The following SDK1 variants were observed in gnomAD, a reference collection of about 807,000 sequenced individuals.
The protein encoded by SDK1 is sidekick cell adhesion molecule 1.
A neutral mutation model predicts 245.5 loss-of-function variants in SDK1; 157 were observed. That is an observed-to-expected ratio of 0.64 (90% CI 0.56 to 0.73). SDK1 has a LOEUF of 0.73. SDK1 is among the 30% of genes least tolerant of loss of function. The probability of loss-of-function intolerance (pLI) is 0.00; values close to 1 mark genes in which losing one functional copy is unlikely to be tolerated. For missense variants in SDK1, 3,583 were observed against 3,002.3 expected, an observed-to-expected ratio of 1.19 and a Z score of -4.52; for synonymous variants, 1,647 against 1,278.5, an observed-to-expected ratio of 1.29 and a Z score of -6.15.
rs141632037 is a variant in SDK1, at chr7:3,892,779, G to A, written c.848-58144G>A. ...GCTATGCAGCCAGCTCAGTGCAGCC[G>A]AAAGAACCTGGGAGGCAGTCCGGAA... On this transcript the variant is annotated intron_variant, in intron 5 of 44. Transcript: ENST00000404826. 1.0e-3 allele frequency among the ~76,000 whole-genome samples: 158 copies of A among 152,282 alleles called. 2 individuals are homozygous for A. The East Asian group carries it at 0.026, about 25-fold the overall frequency.
At chr7:3,886,439 T>G (rs1312246424) in intron 5 of SDK1, among the ~76,000 whole-genome samples, 1 of 152,258 alleles carries the variant, frequency 6.6e-6, no homozygotes, top group Non-Finnish European at 1.5e-5. Context: ...ATAATGAAGC[T>G]GAGTCTTAGA....
intron 4 of SDK1, among the ~76,000 whole-genome samples, chr7:3,756,610 CT>C (rs1344656882): frequency 6.6e-6 from 1 of 151,630 alleles, no homozygotes; most frequent in Non-Finnish European, 1.5e-5. Flanking sequence ...CAATTTGCTC[CT>C]AATGCCCTTT....
At chr7:3,914,010 T>C (rs1283823772) in intron 5 of SDK1, among the ~76,000 whole-genome samples, 1 of 152,228 alleles carries the variant, frequency 6.6e-6, no homozygotes, top group Non-Finnish European at 1.5e-5. Context: ...TGAAAGCTTC[T>C]TGCCCTATTA....
At chr7:3,683,826 A>G (rs1784190652) in intron 4 of SDK1, among the ~76,000 whole-genome samples, 1 of 152,186 alleles carries the variant, frequency 6.6e-6, no homozygotes, top group African/African-American at 2.4e-5. Flanking sequence ...GGAACTAGCA[A>G]TGGACACAGA....
intron 44 of SDK1, among the ~76,000 whole-genome samples, chr7:4,246,677 G>A (rs1407485486): frequency 1.3e-5 from 2 of 152,140 alleles, no homozygotes; most frequent in Non-Finnish European, 2.9e-5. Context: ...TCCAGGTCAT[G>A]TATCGGGCTC....
chr7:4,209,611 C>T (rs572372133), intron 37 of SDK1, among the ~76,000 whole-genome samples: 5 of 152,270 alleles, frequency 3.3e-5, no homozygotes, highest in East Asian at 1.9e-4. Flanking sequence ...GAGGGAGAGG[C>T]GAGGAGGGGT....
intron 5 of SDK1, among the ~76,000 whole-genome samples, chr7:3,898,015 A>G (rs1010899948): frequency 7.2e-5 from 11 of 151,960 alleles, no homozygotes; most frequent in Admixed American, 7.2e-4. Flanking sequence ...TGACCCAGGA[A>G]GCCGCCGTGT....
intron 1 of SDK1, among the ~76,000 whole-genome samples, chr7:3,611,950 A>T (rs1203687292): frequency 2.0e-5 from 3 of 152,174 alleles, no homozygotes; most frequent in Non-Finnish European, 4.4e-5. Flanking sequence ...ATTCACAGCT[A>T]CCTGGCTGGA....
At chr7:3,424,898 A>G (rs1292937779) in intron 1 of SDK1, among the ~76,000 whole-genome samples, 1 of 152,170 alleles carries the variant, frequency 6.6e-6, no homozygotes, top group Non-Finnish European at 1.5e-5. Flanking sequence ...CCCTGTCTCA[A>G]AAAACAAATA....
rs187491083 is a variant in SDK1 at position 3,419,166 on chromosome 7, T to C, written c.298+117282T>C. On this transcript the variant is annotated intron_variant, in intron 1 of 44. Transcript: ENST00000404826. ...TCAGACTGTATTAACCTATTTAATC[T>C]TTGCAGCAAATCCTGTAAGGAATCA... Among the ~76,000 whole-genome samples, 626 of 152,296 alleles carry C rather than the reference T, an allele frequency of 4.1e-3. 8 individuals carry two copies. Among genetic ancestry groups the C allele is most frequent in the South Asian group, 0.018 (88 of 4,816 alleles).
chr7:4,162,118 G>A (rs138190536), intron 32 of SDK1, among the ~76,000 whole-genome samples: 10 of 152,250 alleles, frequency 6.6e-5, no homozygotes, highest in East Asian at 1.9e-4. Context: ...AGGAGGGACC[G>A]GCAGGATGGG....
At chr7:3,939,065 G>A (rs1167627920) in intron 5 of SDK1, among the ~76,000 whole-genome samples, 1 of 152,204 alleles carries the variant, frequency 6.6e-6, no homozygotes, top group Non-Finnish European at 1.5e-5. Context: ...AGAGAGAATT[G>A]GAAATGGGAT....
chr7:3,513,032 G>C (rs768833965), intron 1 of SDK1, among the ~76,000 whole-genome samples: 4 of 152,114 alleles, frequency 2.6e-5, no homozygotes, highest in Non-Finnish European at 5.9e-5. Context: ...GCATATCCTA[G>C]AAGCTAAGTG....
chr7:3,845,967 AT>A (rs1364029418), intron 5 of SDK1, among the ~76,000 whole-genome samples: 2 of 152,164 alleles, frequency 1.3e-5, no homozygotes, highest in East Asian at 3.8e-4. Context: ...CCATTTAATA[AT>A]TTTAGACCGT....
At chr7:3,782,988 C>G (rs1166614341) in intron 4 of SDK1, among the ~76,000 whole-genome samples, 1 of 152,106 alleles carries the variant, frequency 6.6e-6, no homozygotes, top group East Asian at 1.9e-4. Flanking sequence ...TACTAACAAA[C>G]TGAATTCAAC....
intron 3 of SDK1, 122 bp from the exon 4 acceptor site, chr7:3,641,836 C>G (rs532969308): frequency 2.5e-6 from 2 of 793,500 alleles, no homozygotes; most frequent in African/African-American, 3.5e-5. Context: ...TCTCGCTCGT[C>G]CTGGTGTGAA....
chr7:3,958,867 G>A, intron 7 of SDK1, 64 bp from the exon 8 acceptor site: 4 of 1,279,284 alleles, frequency 3.1e-6, no homozygotes, highest in Admixed American at 3.5e-5. Context: ...ACTATCTTAG[G>A]TTATATGGTC....
At chr7:3,616,826 A>G (rs1781787081) in intron 1 of SDK1, among the ~76,000 whole-genome samples, 1 of 152,212 alleles carries the variant, frequency 6.6e-6, no homozygotes, top group African/African-American at 2.4e-5. Flanking sequence ...GTGCTACTTG[A>G]TGTTTATTAA....
At chr7:3,447,299 A>G (rs78875597) in intron 1 of SDK1, among the ~76,000 whole-genome samples, 1 of 152,196 alleles carries the variant, frequency 6.6e-6, no homozygotes, top group East Asian at 1.9e-4. Flanking sequence ...AGCGAAACTT[A>G]TCTTTACCCT....
Sources: allele counts gnomAD v4.1 joint callset (sites outside exome capture counted in the v4.1 genomes callset), GRCh38; gene constraint gnomAD v4.1.1; transcripts MANE v1.5; gene names NCBI Gene and HGNC (gene_info 2026-07-23, HGNC 2026-07-21).